EML1: variants seen among roughly 807,000 people sequenced by gnomAD.
EML1 encodes the protein echinoderm microtubule-associated protein-like 1.
Under a neutral mutation model 110.4 loss-of-function variants are expected in EML1, and 27 were observed. That is an observed-to-expected ratio of 0.24 (90% CI 0.18 to 0.34). The LOEUF (loss-of-function observed/expected upper bound fraction) is 0.34, where lower values mean the gene tolerates loss of function less well. Ranked by LOEUF, EML1 falls within the 10% of genes least tolerant of loss-of-function variation. The pLI is 1.00. For missense variants in EML1, 741 were observed against 1,030.9 expected (o/e 0.72, Z 3.85); for synonymous variants, 344 against 385.8 (o/e 0.89, Z 1.27).
chr14:99,818,270 G>A (rs997341327), intron 1 of EML1, among the ~76,000 whole-genome samples: 18 of 152,140 alleles, frequency 1.2e-4, no homozygotes, highest in Non-Finnish European at 2.6e-4. Context: ...AATGGGATGC[G>A]GAGTGATGAG....
intron 1 of EML1, among the ~76,000 whole-genome samples, chr14:99,763,964 G>A (rs2057341470): frequency 6.6e-6 from 1 of 152,142 alleles, no homozygotes; most frequent in Non-Finnish European, 1.5e-5. Flanking sequence ...AGGCAGCTGG[G>A]GGTGTGTTGG....
intron 4 of EML1, chr14:99,883,511 A>G (rs1437387085): frequency 1.3e-5 from 2 of 151,142 alleles, no homozygotes; most frequent in Admixed American, 6.6e-5. Flanking sequence ...GGACTGAGCA[A>G]TGGGAATGAG....
intron 13 of EML1, 130 bp from the exon 14 acceptor site, chr14:99,914,049 C>A (rs548644110): frequency 1.9e-5 from 21 of 1,101,080 alleles, no homozygotes; most frequent in Non-Finnish European, 2.4e-5. Context: ...TATATTTGAA[C>A]GTACATTATA....
At chr14:99,767,883 CAG>C (rs1405609920) in intron 1 of EML1, among the ~76,000 whole-genome samples, 1 of 151,978 alleles carries the variant, frequency 6.6e-6, no homozygotes, top group East Asian at 1.9e-4. Flanking sequence ...TTCAAGGAGA[CAG>C]AGACTTTGTC....
At chr14:99,848,697 G>A (rs1340073530) in intron 1 of EML1, among the ~76,000 whole-genome samples, 1 of 152,144 alleles carries the variant, frequency 6.6e-6, no homozygotes, top group Non-Finnish European at 1.5e-5. Context: ...TGGGCACAGT[G>A]GCTAACACCT....
intron 1 of EML1, among the ~76,000 whole-genome samples, chr14:99,805,885 A>G (rs778967584): frequency 1.3e-4 from 20 of 151,976 alleles, no homozygotes; most frequent in Non-Finnish European, 2.5e-4. Context: ...GTACATTCAC[A>G]TTGTTGTGCA....
rs1237153419 is a variant in EML1, at chr14:99,905,423, G to A, written c.1009-2215G>A. 1.3e-5 allele frequency among the ~76,000 whole-genome samples: 2 copies of A among 152,162 alleles called. No individual in the cohort carries two copies. The highest frequency in any genetic ancestry group is 4.8e-5 in the African/African-American group (2 of 41,404). Reference sequence around the variant, plus strand: ...GAAAACATAAGAAAGGGAAAAAGGAGAGAGAGAAAAGCATTCCCTGTGGCA... The same window carrying A: ...GAAAACATAAGAAAGGGAAAAAGGAAAGAGAGAAAAGCATTCCCTGTGGCA... On this transcript the variant is annotated intron_variant, in intron 9 of 21. Coordinates refer to ENST00000262233, the MANE Select transcript of EML1 (RefSeq NM_004434.3). The surrounding 1 kb of genome is among the most constrained non-coding windows in gnomAD (Gnocchi z 4.1).
intron 3 of EML1, among the ~76,000 whole-genome samples, chr14:99,872,502 G>T (rs1270215690): frequency 1.3e-5 from 2 of 152,096 alleles, no homozygotes; most frequent in Non-Finnish European, 2.9e-5. Flanking sequence ...ATAAGCTATT[G>T]TCAGCATATA....
At chr14:99,805,983 G>C (rs1411840382) in intron 1 of EML1, among the ~76,000 whole-genome samples, 1 of 152,028 alleles carries the variant, frequency 6.6e-6, no homozygotes, top group Non-Finnish European at 1.5e-5. Flanking sequence ...TCCCCCGCCA[G>C]CTCCTGGTCC....
At chr14:99,815,795 AG>A (rs1413144495) in intron 1 of EML1, among the ~76,000 whole-genome samples, 1 of 152,166 alleles carries the variant, frequency 6.6e-6, no homozygotes, top group African/African-American at 2.4e-5. Context: ...ATGACTTGAA[AG>A]GTAAATTGCG....
intron 3 of EML1, among the ~76,000 whole-genome samples, chr14:99,872,158 G>A (rs2059216042): frequency 6.6e-6 from 1 of 152,150 alleles, no homozygotes; most frequent in Admixed American, 6.5e-5. Context: ...GTTGTTAAGG[G>A]GATGTCGGGG....
intron 1 of EML1, among the ~76,000 whole-genome samples, chr14:99,796,513 G>A (rs1357881424): frequency 1.4e-5 from 2 of 142,036 alleles, no homozygotes; most frequent in Non-Finnish European, 3.0e-5. Flanking sequence ...TTTTCTTTGA[G>A]CCACACCTTG....
rs1017206769 is a variant in EML1 at position 99,737,854 on chromosome 14, T to G, written c.22T>G (p.Ser8Ala). 3.1e-6 allele frequency: 4 copies of G among 1,289,020 alleles called. No individual in the cohort carries two copies. The African/African-American group carries it at 6.1e-5, about 20-fold the overall frequency. 79.8% of individuals were successfully genotyped at this position (1,289,020 alleles called of 1,614,324 possible). A position where few individuals can be genotyped will look rare whatever the true frequency, so the allele number is the denominator to read the frequency against. ...CACCATGTCGGACGGCGAGGGCCCC[T>G]CCGCCGGTGAGTGGCAGCGCTATAT... Residue 8 changes from serine (S) to alanine (A), a missense_variant, in exon 1 of 11, where the codon TCC becomes GCC. By Grantham distance (99) the Ser-to-Ala change is moderately conservative. Transcript: ENST00000554479.
At chr14:99,846,689 T>C (rs1196683170) in intron 1 of EML1, among the ~76,000 whole-genome samples, 1 of 152,222 alleles carries the variant, frequency 6.6e-6, no homozygotes, top group Non-Finnish European at 1.5e-5. Context: ...TTTATATAAC[T>C]TATCAAATTA....
At chr14:99,883,272 T>G (rs1419837681) in intron 4 of EML1, 1 of 152,276 alleles carries the variant, frequency 6.6e-6, no homozygotes, top group Non-Finnish European at 1.5e-5. Flanking sequence ...GGCCCACTCC[T>G]GTAATCCTAG....
At chr14:99,744,536 C>T (rs1007060774) in intron 1 of EML1, among the ~76,000 whole-genome samples, 2 of 152,174 alleles carry the variant, frequency 1.3e-5, no homozygotes, top group African/African-American at 4.8e-5. Flanking sequence ...TTTTTTCCCC[C>T]GAATTGACCG....
chr14:99,835,596 G>C (rs575511224), intron 1 of EML1, among the ~76,000 whole-genome samples: 1 of 152,004 alleles, frequency 6.6e-6, no homozygotes, highest in Non-Finnish European at 1.5e-5. Flanking sequence ...TTCTAATGTC[G>C]ATGTTGGGTG....
intron 1 of EML1, among the ~76,000 whole-genome samples, chr14:99,807,256 C>T (rs2057993399): frequency 6.6e-6 from 1 of 152,222 alleles, no homozygotes; most frequent in Non-Finnish European, 1.5e-5. Context: ...GCTTTGGAGA[C>T]AGACACATCT....
At chr14:99,896,124 G>A (rs1215955490) in intron 6 of EML1, among the ~76,000 whole-genome samples, 1 of 151,978 alleles carries the variant, frequency 6.6e-6, no homozygotes, top group African/African-American at 2.4e-5. Flanking sequence ...GAGGAATCCT[G>A]CAGAGACCAC....
Sources: gnomAD v4.1 joint callset for allele counts (sites outside exome capture counted in the v4.1 genomes callset) on GRCh38, gnomAD v4.1.1 for gene constraint, Gnocchi (gnomAD v3.1) non-coding constraint, MANE v1.5 for transcripts, NCBI Gene and HGNC (gene_info 2026-07-23, HGNC 2026-07-21) for gene names.